The following CABIN1 variants were observed in gnomAD, a reference collection of about 807,000 sequenced individuals.
CABIN1 encodes calcineurin-binding protein cabin-1.
CABIN1 carries 133 observed loss-of-function variants against 227.7 expected under a neutral mutation model. The ratio of observed to expected loss-of-function variants is 0.58; its 90% CI spans 0.51 to 0.67. The LOEUF (loss-of-function observed/expected upper bound fraction) is 0.67, where lower values mean the gene tolerates loss of function less well. Ranked by LOEUF, CABIN1 falls within the 30% of genes least tolerant of loss-of-function variation. The pLI is 0.00. For missense variants in CABIN1, 2,408 were observed against 2,852.5 expected (o/e 0.84, Z 3.55); for synonymous variants, 1,086 against 1,155.1 (o/e 0.94, Z 1.21).
At chr22:24,158,857 G>A (rs763588152) in intron 29 of CABIN1, among the ~76,000 whole-genome samples, 12 of 152,184 alleles carry the variant, frequency 7.9e-5, no homozygotes, top group African/African-American at 7.2e-5. Flanking sequence ...CTACTCAGGG[G>A]TAGCCTGGAT....
At chr22:24,066,816 G>A (rs1023832546) in intron 15 of CABIN1, among the ~76,000 whole-genome samples, 171 bp from the exon 16 acceptor site, 7 of 152,202 alleles carry the variant, frequency 4.6e-5, no homozygotes, top group Admixed American at 1.3e-4. Flanking sequence ...TAACACATAC[G>A]TTTAGTGTAA....
chr22:24,155,818 C>G, intron 29 of CABIN1: 1 of 418,730 alleles, frequency 2.4e-6, no homozygotes, highest in Non-Finnish European at 4.3e-6. Flanking sequence ...CCACAGCTTC[C>G]TGCAGTGAGA....
chr22:24,116,679 GGTGTCTTGCCAAGAT>G (rs1468074601), intron 27 of CABIN1, among the ~76,000 whole-genome samples: 1 of 152,222 alleles, frequency 6.6e-6, no homozygotes, highest in Non-Finnish European at 1.5e-5. Context: ...CTCAGCTGTT[GGTGTCTTGCCAAGAT>G]GTGTAGCCAC....
intron 18 of CABIN1, among the ~76,000 whole-genome samples, chr22:24,075,451 G>A (rs1027503177): frequency 2.0e-5 from 3 of 152,212 alleles, no homozygotes; most frequent in East Asian, 3.9e-4. Flanking sequence ...TATTATTCAG[G>A]TAGACCTAAA....
chr22:24,026,067 G>A lies in CABIN1; in HGVS notation c.-74-9377G>A, dbSNP rs568544653. On this transcript the variant is annotated intron_variant, in intron 1 of 36. Coordinates refer to ENST00000263119, the MANE Select transcript of CABIN1 (RefSeq NM_012295.4). ...GCCCAGGCTGGTCTCGAACTCCTGA[G>A]CTCAAGTGATCCACCCATCTCTGTC... 3.3e-5 allele frequency among the ~76,000 whole-genome samples: 5 copies of A among 152,244 alleles called. No individual in the cohort carries two copies. The South Asian group carries it at 1.0e-3, about 32-fold the overall frequency.
chr22:24,091,618 C>G lies in CABIN1; in HGVS notation c.3561C>G (p.Ala1187=). The G allele has an allele frequency of 6.2e-7, 1 of 1,614,232 alleles. No individual in the cohort carries two copies. The highest frequency in any genetic ancestry group is 8.5e-7 in the Non-Finnish European group (1 of 1,180,056). Residue 1187 remains alanine, a synonymous_variant, in exon 24 of 37, where the codon GCC becomes GCG. Transcript: ENST00000263119. ...EGRRDSMLET[A]KHCFTSAARC... is the part of the protein sequence containing the mutation. ...GGCGCGACAGCATGCTAGAGACAGC[C>G]AAGCACTGTTTCACATCAGCAGCCC... is the stretch of plus-strand genomic sequence containing the variant.
intron 33 of CABIN1, chr22:24,170,167 G>C: frequency 2.2e-6 from 1 of 457,760 alleles, no homozygotes; most frequent in Non-Finnish European, 4.4e-6. Context: ...TCTGCCGTGG[G>C]CAGATTTGCG....
intron 23 of CABIN1, among the ~76,000 whole-genome samples, chr22:24,089,662 C>G (rs552748865): frequency 6.6e-6 from 1 of 152,300 alleles, no homozygotes; most frequent in East Asian, 1.9e-4. Context: ...GACACAGTCC[C>G]CTGATTGCTA....
chr22:24,056,426 C>A, intron 10 of CABIN1, 66 bp downstream of exon 10: 1 of 1,499,602 alleles, frequency 6.7e-7, no homozygotes, highest in Non-Finnish European at 9.3e-7. Context: ...CCATCAGTAA[C>A]ATTTCTCATT....
At chr22:24,058,535 G>T (rs1488330905) in intron 10 of CABIN1, among the ~76,000 whole-genome samples, 1 of 152,188 alleles carries the variant, frequency 6.6e-6, no homozygotes, top group Non-Finnish European at 1.5e-5. Flanking sequence ...CCCCAGTCCC[G>T]AGACTGGGCC....
intron 7 of CABIN1, 113 bp downstream of exon 7, chr22:24,049,333 G>GGCA: frequency 7.6e-7 from 1 of 1,309,004 alleles, no homozygotes; most frequent in Non-Finnish European, 1.1e-6. Context: ...CCTGTGCTCT[G>GGCA]GGGCTTCATG....
chr22:24,121,655 A>T (rs565369869), intron 28 of CABIN1, among the ~76,000 whole-genome samples: 1 of 152,338 alleles, frequency 6.6e-6, no homozygotes, highest in South Asian at 2.1e-4. Context: ...AATGGCTGAT[A>T]TGAACTCTGT....
At chr22:24,031,531 G>C (rs1426307718) in intron 1 of CABIN1, among the ~76,000 whole-genome samples, 1 of 152,180 alleles carries the variant, frequency 6.6e-6, no homozygotes, top group African/African-American at 2.4e-5. Context: ...AGGTAGGACA[G>C]CTGATTTTTA....
intron 29 of CABIN1, among the ~76,000 whole-genome samples, chr22:24,153,578 T>TG (rs778712852): frequency 1.3e-5 from 2 of 151,974 alleles, no homozygotes; most frequent in East Asian, 3.8e-4. Context: ...CCTGGGGGGT[T>TG]GGGGGGTGAC....
intron 27 of CABIN1, among the ~76,000 whole-genome samples, chr22:24,114,652 G>A (rs939001304): frequency 8.5e-5 from 13 of 152,178 alleles, no homozygotes; most frequent in Non-Finnish European, 1.2e-4. Flanking sequence ...GGGGAAAAAC[G>A]CTGGTGATAA....
intron 13 of CABIN1, 44 bp from the exon 14 acceptor site, chr22:24,062,915 G>A (rs927075222): frequency 1.3e-6 from 2 of 1,591,324 alleles, no homozygotes; most frequent in African/African-American, 2.7e-5. Context: ...AAGGGCATTA[G>A]AATGCTACAC....
At position 24,050,075 on chromosome 22, in the gene CABIN1, G is replaced by A. The variant is rs561828624; in HGVS notation, c.657-750G>A. On this transcript the variant is annotated intron_variant, in intron 7 of 36. Transcript: ENST00000263119. The stretch of plus-strand genomic sequence containing the variant: ...CCCTCCAGCCCAGCCAACTCCTTTT[G>A]CCCTCTGGTCTTCCTTGGCCCTGGA... Among the ~76,000 whole-genome samples, 3 of 152,212 alleles carry A rather than the reference G, an allele frequency of 2.0e-5. No individual in the cohort carries two copies. In the South Asian group the frequency reaches 6.2e-4, roughly 32 times the overall value.
chr22:24,103,928 G>C (rs1423428043), intron 26 of CABIN1, among the ~76,000 whole-genome samples: 1 of 152,132 alleles, frequency 6.6e-6, no homozygotes, highest in Non-Finnish European at 1.5e-5. Context: ...ACGGGAGCAA[G>C]TTCTGGGGTT....
Position 24,050,899 on chromosome 22 carries a change from G to T in CABIN1, c.731G>T (p.Arg244Leu), listed in dbSNP as rs777390432. The change falls in exon 8 of 37, where the codon CGA becomes CTA. Residue 244 changes from arginine (R) to leucine (L), a missense_variant. Coordinates refer to ENST00000263119, the MANE Select transcript of CABIN1 (RefSeq NM_012295.4). Reference protein sequence around the residue: ...QAIVDEALGLRKKRQALIVRE... With the variant: ...QAIVDEALGLLKKRQALIVRE... ...ATTGTAGATGAGGCCTTGGGGCTGC[G>T]AAAAAAGAGGCAAGCGCTGATTGTG... 6.2e-7 allele frequency: 1 copy of T among 1,614,064 alleles called. No homozygotes were observed. Among genetic ancestry groups the T allele is most frequent in the Non-Finnish European group, 8.5e-7 (1 of 1,180,030 alleles).
Sources: gnomAD v4.1 joint callset for allele counts (sites outside exome capture counted in the v4.1 genomes callset) on GRCh38, gnomAD v4.1.1 for gene constraint, MANE v1.5 for transcripts, NCBI Gene and HGNC (gene_info 2026-07-23, HGNC 2026-07-21) for gene names.